The following ANKFN1 variants were observed in gnomAD, a reference collection of about 807,000 sequenced individuals.
ANKFN1 encodes the protein ankyrin repeat and fibronectin type III domain containing 1.
A neutral mutation model predicts 108.7 loss-of-function variants in ANKFN1; 74 were observed. The observed-to-expected ratio is 0.68, with a 90% CI of 0.56 to 0.83. The LOEUF is 0.83. Ranked by LOEUF, ANKFN1 falls within the 40% of genes least tolerant of loss-of-function variation. The probability of loss-of-function intolerance (pLI) is 0.00; values close to 1 mark genes in which losing one functional copy is unlikely to be tolerated. For synonymous variants in ANKFN1, 547 were observed against 516.2 expected (o/e 1.06, Z -0.81); for missense variants, 1,505 against 1,382.3 (o/e 1.09, Z -1.41).
At chr17:56,261,805 A>G (rs937379744) in intron 3 of ANKFN1, among the ~76,000 whole-genome samples, 1 of 152,164 alleles carries the variant, frequency 6.6e-6, no homozygotes, top group African/African-American at 2.4e-5. Flanking sequence ...CTCCCCGTCC[A>G]CTGACTCAAA....
In ANKFN1 at chr17:56,440,420, C is replaced by A; in HGVS notation, c.1004C>A (p.Thr335Lys). The A allele has an allele frequency of 6.2e-7, 1 of 1,608,658 alleles. No individual in the cohort carries two copies. The highest frequency in any genetic ancestry group is 8.5e-7 in the Non-Finnish European group (1 of 1,175,720). Residue 335 changes from threonine (T) to lysine (K), a missense_variant, in exon 9 of 21, where the codon ACA (threonine) becomes AAA (lysine). Thr to Lys is a moderately conservative substitution (Grantham distance 78). Coordinates refer to ENST00000682825, the MANE Select transcript of ANKFN1 (RefSeq NM_001370326.1). ...CTGAGATGCACAATCACAGGACTTA[C>A]AATGGTAAATGTCCCCAGTAGACTT... ...QTLRCTITGL[T>K]MGQQYFVQVS...
intron 11 of ANKFN1, among the ~76,000 whole-genome samples, chr17:56,456,069 A>T (rs574325880): frequency 6.6e-6 from 1 of 152,214 alleles, no homozygotes; most frequent in Admixed American, 6.5e-5. Flanking sequence ...TTTTTTTTCT[A>T]TTCTCCAGAC....
chr17:56,392,941 C>T (rs1021834049), intron 8 of ANKFN1, among the ~76,000 whole-genome samples: 1 of 152,178 alleles, frequency 6.6e-6, no homozygotes, highest in Non-Finnish European at 1.5e-5. Context: ...GATTTTAGCT[C>T]TGACCTCCGA....
chr17:56,229,845 C>T (rs1262203879), intron 3 of ANKFN1, among the ~76,000 whole-genome samples: 1 of 151,712 alleles, frequency 6.6e-6, no homozygotes, highest in South Asian at 2.1e-4. Context: ...GGATTATAAA[C>T]AATCCAGACA....
chr17:56,105,892 G>A (rs1905743190), intron 4 of ANKFN1, among the ~76,000 whole-genome samples: 1 of 151,944 alleles, frequency 6.6e-6, no homozygotes, highest in Non-Finnish European at 1.5e-5. Flanking sequence ...GGATAGTGGT[G>A]GTGTTACTGG....
intron 11 of ANKFN1, among the ~76,000 whole-genome samples, chr17:56,456,631 C>T (rs1482935154): frequency 3.3e-5 from 5 of 151,756 alleles, no homozygotes; most frequent in African/African-American, 9.7e-5. Context: ...CTCCTGACCT[C>T]GTGATCCGCC....
At chr17:56,111,822 A>T (rs1248609422) in intron 4 of ANKFN1, among the ~76,000 whole-genome samples, 5 of 152,200 alleles carry the variant, frequency 3.3e-5, no homozygotes. Flanking sequence ...TGGTGGCATA[A>T]CTCATTGAGT....
In ANKFN1 at chr17:56,513,390, T is replaced by C. The variant is rs1289799478; in HGVS notation, c.*2121T>C. Among the ~76,000 whole-genome samples, 6 of 152,232 alleles carry C rather than the reference T, an allele frequency of 3.9e-5. No individual in the cohort carries two copies. Among genetic ancestry groups the C allele is most frequent in the Non-Finnish European group, 8.8e-5 (6 of 68,042 alleles). On this transcript the variant is annotated 3_prime_UTR_variant, in exon 21 of 21. Transcript: ENST00000682825. ...ACAGCAAATTTGGGAAAAACATCATTTCAAATTATGCCTCTTAGTTAATAA... is the reference window on the plus strand; with the variant it reads ...ACAGCAAATTTGGGAAAAACATCATCTCAAATTATGCCTCTTAGTTAATAA...
intron 3 of ANKFN1, among the ~76,000 whole-genome samples, chr17:56,238,357 A>G (rs1045330636): frequency 6.6e-6 from 1 of 152,072 alleles, no homozygotes. Context: ...TCTGTCCTCA[A>G]AAATACTGTC....
chr17:56,263,860 C>T (rs570472616), intron 3 of ANKFN1, among the ~76,000 whole-genome samples: 111 of 152,314 alleles, frequency 7.3e-4, no homozygotes, highest in African/African-American at 2.6e-3. Flanking sequence ...TAACCTCCAT[C>T]CCAAAGGACT....
chr17:56,511,192 A>G lies in ANKFN1; in HGVS notation c.3364A>G (p.Ser1122Gly). ...CTCTGGAGGCCGCATCACCCTGCCCAGCCCCACTGGCCCCGATGTGAGTCA... is the reference window on the plus strand; with the variant it reads ...CTCTGGAGGCCGCATCACCCTGCCCGGCCCCACTGGCCCCGATGTGAGTCA... Reference protein sequence around the residue: ...PPSGGRITLPSPTGPDVSQEG... With the variant: ...PPSGGRITLPGPTGPDVSQEG... Residue 1122 changes from serine (S) to glycine (G), a missense_variant, in exon 21 of 21, where the codon AGC becomes GGC. Transcript: ENST00000682825. 6.5e-7 allele frequency: 1 copy of G among 1,535,870 alleles called. No individual in the cohort carries two copies. Among genetic ancestry groups the G allele is most frequent in the Non-Finnish European group, 8.7e-7 (1 of 1,146,806 alleles).
rs112177596 is a variant in ANKFN1, at chr17:56,118,837, G to A, written c.288+72512G>A. On this transcript the variant is annotated intron_variant, in intron 4 of 12. Transcript: ENST00000635860. ...GACTGTTATGAGCAAAAGAGATTTG[G>A]TCTCTGTCCTTAATGGATTTGTAAT... 9.3e-3 allele frequency among the ~76,000 whole-genome samples: 1,411 copies of A among 152,168 alleles called. 22 individuals are homozygous for A. The highest frequency in any genetic ancestry group is 0.032 in the African/African-American group (1,313 of 41,516).
At chr17:56,356,526 T>C (rs2046382089) in intron 6 of ANKFN1, among the ~76,000 whole-genome samples, 1 of 152,056 alleles carries the variant, frequency 6.6e-6, no homozygotes, top group Non-Finnish European at 1.5e-5. Context: ...ATCAGAAAAT[T>C]TCTTACTATA....
Position 56,510,727 on chromosome 17 carries a change from G to A in ANKFN1, c.2899G>A (p.Ala967Thr). The change falls in exon 21 of 21, where the codon GCC (alanine) becomes ACC (threonine). Residue 967 changes from alanine (A) to threonine (T), a missense_variant. Coordinates refer to ENST00000682825, the MANE Select transcript of ANKFN1 (RefSeq NM_001370326.1). Reference sequence around the variant, plus strand: ...GGGCCCAAATCCCGATCACTCATGTGCCGAGTTTCTCCATAGCCTGACCCT... The same window carrying A: ...GGGCCCAAATCCCGATCACTCATGTACCGAGTTTCTCCATAGCCTGACCCT... ...GEGPNPDHSC[A>T]EFLHSLTLTG... 1 of 1,536,160 alleles carries A rather than the reference G, an allele frequency of 6.5e-7. No individual in the cohort carries two copies. Among genetic ancestry groups the A allele is most frequent in the Non-Finnish European group, 8.7e-7 (1 of 1,146,902 alleles).
chr17:56,426,398 T>C (rs1296309898), intron 8 of ANKFN1, among the ~76,000 whole-genome samples: 4 of 152,326 alleles, frequency 2.6e-5, no homozygotes, highest in African/African-American at 7.2e-5. Context: ...AAGACACCTT[T>C]ATTGGATACC....
At chr17:56,227,031 G>T (rs965164589) in intron 2 of ANKFN1, among the ~76,000 whole-genome samples, 3 of 152,072 alleles carry the variant, frequency 2.0e-5, no homozygotes, top group African/African-American at 7.2e-5. Context: ...AGATCAGTGT[G>T]GGTGGTGTGG....
rs778222072 is a variant in ANKFN1 at position 56,372,733 on chromosome 17, A to T, written c.689A>T (p.Glu230Val). ...ERVSELSAQV[E>V]NEGFTLDNTE... is the part of the protein sequence containing the mutation. Reference sequence around the variant, plus strand: ...GTGAGTGAACTGTCTGCCCAGGTGGAGAATGAAGGATTCACTCTGGACAAC... The same window carrying T: ...GTGAGTGAACTGTCTGCCCAGGTGGTGAATGAAGGATTCACTCTGGACAAC... Residue 230 changes from glutamate to valine, a missense_variant, in exon 7 of 21, where the codon GAG becomes GTG. By Grantham distance (121) the Glu-to-Val change is moderately radical. Coordinates refer to ENST00000682825, the MANE Select transcript of ANKFN1 (RefSeq NM_001370326.1). 5 of 1,614,074 alleles carry T rather than the reference A, an allele frequency of 3.1e-6. No individual in the cohort carries two copies. The highest frequency in any genetic ancestry group is 1.3e-5 in the African/African-American group (1 of 75,038).
intron 3 of ANKFN1, among the ~76,000 whole-genome samples, chr17:56,270,727 C>T (rs1785954879): frequency 6.6e-6 from 1 of 152,196 alleles, no homozygotes; most frequent in African/African-American, 2.4e-5. Context: ...CACTCTACTG[C>T]AGTGAAAGAG....
At chr17:56,334,503 C>T (rs1338963643) in intron 4 of ANKFN1, among the ~76,000 whole-genome samples, 1 of 151,946 alleles carries the variant, frequency 6.6e-6, no homozygotes, top group Admixed American at 6.6e-5. Context: ...CCTCAAAAGA[C>T]CTGTTAAAGG....
Sources: gnomAD v4.1 joint callset for allele counts (sites outside exome capture counted in the v4.1 genomes callset) on GRCh38, gnomAD v4.1.1 for gene constraint, MANE v1.5 for transcripts, NCBI Gene and HGNC (gene_info 2026-07-23, HGNC 2026-07-21) for gene names.